GNE: variants seen among roughly 807,000 people sequenced by gnomAD.
GNE encodes the protein bifunctional UDP-N-acetylglucosamine 2-epimerase/N-acetylmannosamine kinase.
GNE carries 41 observed loss-of-function variants against 61.8 expected under a neutral mutation model. The ratio of observed to expected loss-of-function variants is 0.66; its 90% CI spans 0.52 to 0.86. The LOEUF (loss-of-function observed/expected upper bound fraction) is 0.86. Ranked by LOEUF, GNE falls within the 40% of genes least tolerant of loss-of-function variation. GNE has a pLI of 0.00. For missense variants in GNE, 608 were observed against 909.1 expected (o/e 0.67, Z 4.26); for synonymous variants, 264 against 326.4 (o/e 0.81, Z 2.06).
intron 1 of GNE, among the ~76,000 whole-genome samples, chr9:36,276,438 C>T (rs1831264396): frequency 6.6e-6 from 1 of 152,110 alleles, no homozygotes. Flanking sequence ...AATGCACCCA[C>T]CCCAATCATG....
intron 3 of GNE, among the ~76,000 whole-genome samples, chr9:36,240,458 T>A (rs1189260793): frequency 6.6e-6 from 1 of 152,252 alleles, no homozygotes; most frequent in Non-Finnish European, 1.5e-5. Context: ...CCATCACATT[T>A]ACTGACTTGT....
intron 3 of GNE, among the ~76,000 whole-genome samples, chr9:36,240,009 A>G (rs1829569076): frequency 6.6e-6 from 1 of 151,984 alleles, no homozygotes; most frequent in South Asian, 2.1e-4. Context: ...TGTGTACATT[A>G]ATCTTGTATC....
At chr9:36,266,013 C>A (rs1166152447) in intron 1 of GNE, among the ~76,000 whole-genome samples, 1 of 152,174 alleles carries the variant, frequency 6.6e-6, no homozygotes, top group Non-Finnish European at 1.5e-5. Flanking sequence ...TCTTGGCTCA[C>A]TGTAAGCTCC....
intron 3 of GNE, among the ~76,000 whole-genome samples, chr9:36,241,272 C>A (rs189409865): frequency 6.6e-6 from 1 of 152,122 alleles, no homozygotes; most frequent in Non-Finnish European, 1.5e-5. Context: ...TATGCCACTA[C>A]GCCTAGCTAA....
chr9:36,266,898 C>CA (rs71336437), intron 1 of GNE, among the ~76,000 whole-genome samples: 3,140 of 140,772 alleles, frequency 0.022, 49 homozygotes, highest in Middle Eastern at 0.047. Flanking sequence ...GACTCCGTCT[C>CA]AAAAAAAAAA....
Position 36,268,852 on chromosome 9 carries a change from G to T in GNE, c.51+8042C>A, listed in dbSNP as rs117627601. Reference sequence around the variant, plus strand: ...GGAACTGAAGAATAGCCCACAGGCCGGGCGTGGTGGCTCATACCTATTATC... The same window carrying T: ...GGAACTGAAGAATAGCCCACAGGCCTGGCGTGGTGGCTCATACCTATTATC... On this transcript the variant is annotated intron_variant, in intron 1 of 11. Transcript: ENST00000396594. Among the ~76,000 whole-genome samples the T allele has an allele frequency of 4.9e-4, 74 of 152,262 alleles. 1 individual carries two copies. The East Asian group carries it at 6.8e-3, about 14-fold the overall frequency.
At chr9:36,272,481 C>G (rs887070303) in intron 1 of GNE, among the ~76,000 whole-genome samples, 1 of 151,694 alleles carries the variant, frequency 6.6e-6, no homozygotes. Context: ...ATTATCTGGG[C>G]GTGGTGGCGG....
chr9:36,235,608 T>C (rs752973744), intron 4 of GNE, among the ~76,000 whole-genome samples: 5 of 152,196 alleles, frequency 3.3e-5, no homozygotes, highest in South Asian at 2.1e-4. Flanking sequence ...ATTACACATA[T>C]TTATAAAAAA....
chr9:36,264,088 T>G (rs760604073), intron 1 of GNE, among the ~76,000 whole-genome samples: 8 of 152,190 alleles, frequency 5.3e-5, no homozygotes, highest in Non-Finnish European at 1.0e-4. Context: ...TTTCTGATTT[T>G]AATCTACATG....
intron 1 of GNE, among the ~76,000 whole-genome samples, chr9:36,252,131 A>G (rs972699237): frequency 2.4e-4 from 36 of 151,838 alleles, no homozygotes; most frequent in African/African-American, 8.4e-4. Context: ...GATTACATGC[A>G]TGTGCCACCA....
Position 36,217,113 on chromosome 9 carries a change from T to G in GNE, c.*252A>C, listed in dbSNP as rs745365886. ...TTGTAGCTGCTTTGGCACAGAAAAT[T>G]GTGACTGTAACTTACAGGGTTTGAG... is the stretch of plus-strand genomic sequence containing the variant. On this transcript the variant is annotated 3_prime_UTR_variant, in exon 12 of 12. Coordinates refer to ENST00000642385, the MANE Select transcript of GNE (RefSeq NM_005476.7). 78 of 525,354 alleles carry G rather than the reference T, an allele frequency of 1.5e-4. No individual in the cohort carries two copies. Among genetic ancestry groups the G allele is most frequent in the Non-Finnish European group, 2.6e-4 (77 of 290,592 alleles). 32.5% of individuals were successfully genotyped at this position (525,354 alleles called of 1,614,324 possible). A position where few individuals can be genotyped will look rare whatever the true frequency, so the allele number is the denominator to read the frequency against.
intron 1 of GNE, among the ~76,000 whole-genome samples, chr9:36,269,598 C>G: frequency 6.6e-6 from 1 of 151,854 alleles, no homozygotes; most frequent in East Asian, 1.9e-4. Flanking sequence ...CTGACTTTAA[C>G]ATTCAATCTT....
intron 1 of GNE, among the ~76,000 whole-genome samples, chr9:36,274,889 A>AT (rs1466624992): frequency 1.3e-5 from 2 of 151,660 alleles, no homozygotes; most frequent in South Asian, 2.1e-4. Context: ...TGCCCGGCTA[A>AT]TTTTTTTTGT....
At chr9:36,249,480 G>C (rs937164810) in intron 1 of GNE, 83 bp from the exon 2 acceptor site, 10 of 924,550 alleles carry the variant, frequency 1.1e-5, no homozygotes, top group Non-Finnish European at 1.5e-5. Context: ...ATCAGAAATA[G>C]AAATTTTCAG....
chr9:36,263,341 T>C, upstream of GNE: 1 of 218,032 alleles, frequency 4.6e-6, no homozygotes. Flanking sequence ...CGGCTAATTT[T>C]TGTATTTTTA....
At chr9:36,274,114 G>A (rs1437454218) in intron 1 of GNE, among the ~76,000 whole-genome samples, 1 of 122,204 alleles carries the variant, frequency 8.2e-6, no homozygotes, top group East Asian at 2.3e-4. Flanking sequence ...GTGTGTGTGT[G>A]TGACAGGGTC....
rs541884144 is a variant in GNE at position 36,247,058 on chromosome 9, CT to C, written c.165-577del. 6.0e-5 allele frequency among the ~76,000 whole-genome samples: 9 copies of C among 149,540 alleles called. No homozygotes were observed. In the South Asian group the frequency reaches 1.3e-3, roughly 21 times the overall value. On this transcript the variant is annotated intron_variant, in intron 2 of 11. Transcript: ENST00000642385. ...CACTTAGGGGAAAATGTTTTTTACC[CT>C]TTTTTTTATTTTTTTGAGACAGAGT... is the stretch of plus-strand genomic sequence containing the variant.
intron 6 of GNE, among the ~76,000 whole-genome samples, chr9:36,228,085 AT>A (rs1303398289): frequency 6.6e-6 from 1 of 151,536 alleles, no homozygotes; most frequent in Non-Finnish European, 1.5e-5. Flanking sequence ...ATAAAATAAC[AT>A]CTCCACAAGA....
intron 1 of GNE, among the ~76,000 whole-genome samples, chr9:36,270,152 A>G (rs1310290384): frequency 1.3e-5 from 2 of 151,686 alleles, no homozygotes; most frequent in Non-Finnish European, 2.9e-5. Flanking sequence ...TTGTAGAGAC[A>G]GGGTTTTGCT....
Sources: gnomAD v4.1 joint callset for allele counts (sites outside exome capture counted in the v4.1 genomes callset) on GRCh38, gnomAD v4.1.1 for gene constraint, MANE v1.5 for transcripts, NCBI Gene and HGNC (gene_info 2026-07-23, HGNC 2026-07-21) for gene names.